FIRRM: variants seen among roughly 807,000 people sequenced by gnomAD.
FIRRM encodes the protein FIGNL1-interacting regulator of recombination and mitosis.
chr1:169,833,871 T>TA, the FIRRM span, among the ~76,000 whole-genome samples: 1 of 100,430 alleles, frequency 1.0e-5, no homozygotes, highest in Non-Finnish European at 2.1e-5. Flanking sequence ...TTTTTTTTTT[T>TA]AAATAGAGAC....
the FIRRM span, chr1:169,853,661 T>C: frequency 6.3e-7 from 1 of 1,597,304 alleles, no homozygotes; most frequent in Non-Finnish European, 8.6e-7. Context: ...AGGTATTGAT[T>C]TTTTTTAAAA....
chr1:169,800,774 A>T, the FIRRM span: 2 of 369,870 alleles, frequency 5.4e-6, no homozygotes, highest in Non-Finnish European at 9.7e-6. Context: ...TGGTATTTTG[A>T]AAGTGTATCA....
At chr1:169,843,642 A>T in the FIRRM span, 1 of 1,390,872 alleles carries the variant, frequency 7.2e-7, no homozygotes, top group Non-Finnish European at 1.0e-6. Flanking sequence ...GTGATTGAAA[A>T]TTTTTCTTCA....
the FIRRM span, among the ~76,000 whole-genome samples, chr1:169,839,897 T>A: frequency 4.6e-5 from 7 of 152,328 alleles, no homozygotes; most frequent in East Asian, 1.3e-3. Context: ...GAGTTAATTT[T>A]TGTATATGCT....
chr1:169,841,744 G>A, the FIRRM span, among the ~76,000 whole-genome samples: 1 of 152,154 alleles, frequency 6.6e-6, no homozygotes, highest in African/African-American at 2.4e-5. Flanking sequence ...ATTGCTGGGT[G>A]CGTAATGTGA....
chr1:169,833,377 A>T, the FIRRM span, among the ~76,000 whole-genome samples: 1 of 152,130 alleles, frequency 6.6e-6, no homozygotes, highest in African/African-American at 2.4e-5. Flanking sequence ...AAGCTTGGGA[A>T]CCACTAGATT....
the FIRRM span, among the ~76,000 whole-genome samples, chr1:169,813,884 G>A: frequency 1.3e-5 from 2 of 152,214 alleles, no homozygotes; most frequent in Non-Finnish European, 2.9e-5. Flanking sequence ...AGTTTCAGCA[G>A]CCAGGCCTAC....
chr1:169,852,490 A>G, the FIRRM span: 6 of 367,948 alleles, frequency 1.6e-5, no homozygotes, highest in Non-Finnish European at 2.4e-5. Context: ...GAACTTGTTT[A>G]TAAGACATGT....
the FIRRM span, chr1:169,849,642 C>T: frequency 6.9e-7 from 1 of 1,445,258 alleles, no homozygotes; most frequent in Non-Finnish European, 9.7e-7. Flanking sequence ...GACTTTCAAA[C>T]CATTTTAATA....
chr1:169,852,698 T>G, the FIRRM span: 2 of 1,328,136 alleles, frequency 1.5e-6, no homozygotes, highest in South Asian at 2.6e-5. Flanking sequence ...ATGACTAGAA[T>G]AAAATTTGCA....
At chr1:169,830,454 TA>T in the FIRRM span, 1 of 1,052,634 alleles carries the variant, frequency 9.5e-7, no homozygotes, top group East Asian at 2.4e-5. Context: ...CCTTTAAAAA[TA>T]ATTCCCAAAA....
the FIRRM span, among the ~76,000 whole-genome samples, chr1:169,814,867 CT>C: frequency 1.3e-5 from 2 of 152,278 alleles, no homozygotes; most frequent in South Asian, 2.1e-4. Context: ...GTTGGCACCC[CT>C]AGACCCCATG....
chr1:169,819,840 A>G, the FIRRM span, among the ~76,000 whole-genome samples: 1 of 152,210 alleles, frequency 6.6e-6, no homozygotes, highest in Non-Finnish European at 1.5e-5. Flanking sequence ...TAAAGGTCAC[A>G]CAGATATCAA....
the FIRRM span, among the ~76,000 whole-genome samples, chr1:169,820,968 A>G: frequency 6.6e-6 from 1 of 152,222 alleles, no homozygotes; most frequent in East Asian, 1.9e-4. Flanking sequence ...CAAATATGTC[A>G]CATTGCATAC....
chr1:169,803,140 C>G, the FIRRM span: 5 of 1,607,636 alleles, frequency 3.1e-6, no homozygotes, highest in Non-Finnish European at 4.3e-6. Context: ...AAAATATATT[C>G]TAAGTGAAAT....
At chr1:169,845,434 C>T in the FIRRM span, among the ~76,000 whole-genome samples, 1 of 152,166 alleles carries the variant, frequency 6.6e-6, no homozygotes, top group Admixed American at 6.5e-5. Context: ...TCTGCCACAT[C>T]AATTGACTCT....
At chr1:169,793,278 T>C in the FIRRM span, 10 of 1,613,990 alleles carry the variant, frequency 6.2e-6, no homozygotes, top group African/African-American at 1.3e-5. Context: ...CCAGGGAAGT[T>C]CTCTTTCAAC....
chr1:169,847,302 C>T, the FIRRM span, among the ~76,000 whole-genome samples: 1 of 119,324 alleles, frequency 8.4e-6, no homozygotes, highest in Non-Finnish European at 1.7e-5. Flanking sequence ...TTGCCACACA[C>T]CTTATATTTC....
the FIRRM span, chr1:169,851,856 C>T: frequency 5.0e-6 from 8 of 1,613,722 alleles, no homozygotes; most frequent in Non-Finnish European, 5.9e-6. Flanking sequence ...CAAAGTGGAA[C>T]GTGTGAAACA....
Sources: gnomAD v4.1 joint callset for allele counts (sites outside exome capture counted in the v4.1 genomes callset) on GRCh38, gnomAD v4.1.1 for gene constraint, MANE v1.5 for transcripts, NCBI Gene and HGNC (gene_info 2026-07-23, HGNC 2026-07-21) for gene names.